The following ZNF385D variants were observed in gnomAD, a reference collection of about 807,000 sequenced individuals.
ZNF385D encodes zinc finger protein 659.
In ZNF385D, 15 loss-of-function variants were observed where a neutral mutation model predicts 35.8. That is an observed-to-expected ratio of 0.42 (90% confidence interval 0.28 to 0.64). The LOEUF (loss-of-function observed/expected upper bound fraction) is 0.64, where lower values mean the gene tolerates loss of function less well. ZNF385D is among the 30% of genes least tolerant of loss of function. The pLI is 0.23. For missense variants in ZNF385D, 474 were observed against 494.6 expected (o/e 0.96, Z 0.39); for synonymous variants, 212 against 186.8 (o/e 1.13, Z -1.10).
chr3:21,828,587 C>T (rs1694800473), intron 3 of ZNF385D, among the ~76,000 whole-genome samples: 1 of 152,202 alleles, frequency 6.6e-6, no homozygotes, highest in Non-Finnish European at 1.5e-5. Context: ...TATTTATTGG[C>T]TACCTACTGT....
intron 1 of ZNF385D, among the ~76,000 whole-genome samples, chr3:21,701,995 T>C (rs1158235437): frequency 1.3e-5 from 2 of 152,246 alleles, no homozygotes; most frequent in East Asian, 3.9e-4. Context: ...TCCAGGTGCA[T>C]GGTGCAAGCG....
intron 3 of ZNF385D, among the ~76,000 whole-genome samples, chr3:21,832,637 C>T (rs1047499318): frequency 3.9e-5 from 6 of 152,162 alleles, no homozygotes; most frequent in Non-Finnish European, 5.9e-5. Context: ...TTCAACTTCA[C>T]ATTCTTGGAT....
intron 1 of ZNF385D, among the ~76,000 whole-genome samples, chr3:21,666,778 T>TA (rs921630900): frequency 2.0e-4 from 31 of 152,244 alleles, no homozygotes; most frequent in Middle Eastern, 3.4e-3. Flanking sequence ...GGTACATCTT[T>TA]AAAAAACTCA....
chr3:22,022,845 G>A (rs978792335), intron 3 of ZNF385D, among the ~76,000 whole-genome samples: 1 of 152,070 alleles, frequency 6.6e-6, no homozygotes, highest in Non-Finnish European at 1.5e-5. Flanking sequence ...AAGGCAAAAC[G>A]AATATTTTTA....
chr3:22,006,405 T>C (rs1466677482), intron 3 of ZNF385D, among the ~76,000 whole-genome samples: 15 of 152,146 alleles, frequency 9.9e-5, no homozygotes, highest in Admixed American at 9.2e-4. Context: ...CATGACACAC[T>C]ATTTCAAATT....
intron 3 of ZNF385D, among the ~76,000 whole-genome samples, chr3:22,103,639 T>C (rs1576325380): frequency 6.6e-6 from 1 of 150,782 alleles, no homozygotes; most frequent in East Asian, 1.9e-4. Flanking sequence ...CTGAGTCCTA[T>C]TTTGCAACTC....
chr3:22,026,084 G>T (rs1576176674), intron 3 of ZNF385D, among the ~76,000 whole-genome samples: 1 of 152,120 alleles, frequency 6.6e-6, no homozygotes. Flanking sequence ...TCATAGTGTT[G>T]CTAGAGGTTG....
intron 3 of ZNF385D, among the ~76,000 whole-genome samples, chr3:22,042,494 C>T (rs7611229): frequency 7.2e-5 from 11 of 152,020 alleles, no homozygotes; most frequent in African/African-American, 1.7e-4. Flanking sequence ...CTTAAGGTAT[C>T]GTTCTGCAGT....
At chr3:21,870,648 C>A (rs916797055) in intron 3 of ZNF385D, among the ~76,000 whole-genome samples, 1 of 152,058 alleles carries the variant, frequency 6.6e-6, no homozygotes. Context: ...ATTCAAATGG[C>A]CAACTGTTAT....
At chr3:21,706,863 A>G (rs891192055) in intron 1 of ZNF385D, among the ~76,000 whole-genome samples, 19 of 151,638 alleles carry the variant, frequency 1.3e-4, no homozygotes, top group Non-Finnish European at 2.2e-4. Context: ...TAAATAGATT[A>G]GACAGATAAA....
chr3:21,574,659 A>G (rs917964673), intron 2 of ZNF385D, among the ~76,000 whole-genome samples: 1 of 152,142 alleles, frequency 6.6e-6, no homozygotes, highest in African/African-American at 2.4e-5. Flanking sequence ...GTGCTTCAAA[A>G]TCTTTGAGAG....
rs954881380 is a variant in ZNF385D at position 22,179,590 on chromosome 3, C to A, written c.107-10555G>T. On this transcript the variant is annotated intron_variant, in intron 2 of 5. Transcript: ENST00000494108. ...GAATACCCTTTATTTCCTTCTCCTGCCTGATTGCCCTGGCCAGAACTTCGA... is the reference window on the plus strand; with the variant it reads ...GAATACCCTTTATTTCCTTCTCCTGACTGATTGCCCTGGCCAGAACTTCGA... 1.2e-4 allele frequency among the ~76,000 whole-genome samples: 19 copies of A among 152,152 alleles called. 1 individual carries two copies. Among genetic ancestry groups the A allele is most frequent in the Admixed American group, 1.1e-3 (17 of 15,284 alleles).
intron 3 of ZNF385D, among the ~76,000 whole-genome samples, chr3:21,973,320 A>G (rs1703385613): frequency 6.6e-6 from 1 of 152,040 alleles, no homozygotes; most frequent in Non-Finnish European, 1.5e-5. Flanking sequence ...CAACAACCAT[A>G]TGATAATTTC....
chr3:21,817,824 G>C (rs1006201986), intron 3 of ZNF385D, among the ~76,000 whole-genome samples: 5 of 152,288 alleles, frequency 3.3e-5, no homozygotes, highest in Admixed American at 1.3e-4. Flanking sequence ...CCATTACTGG[G>C]TATATATCCA....
intron 3 of ZNF385D, among the ~76,000 whole-genome samples, chr3:21,816,003 C>T (rs1208767447): frequency 6.6e-6 from 1 of 152,140 alleles, no homozygotes; most frequent in Admixed American, 6.6e-5. Context: ...GGGCTTCATC[C>T]CAGGGATGCA....
chr3:21,982,594 G>C (rs1226456592), intron 3 of ZNF385D, among the ~76,000 whole-genome samples: 1 of 152,108 alleles, frequency 6.6e-6, no homozygotes, highest in African/African-American at 2.4e-5. Flanking sequence ...TTGCCTGTTT[G>C]CTCTGGTTAG....
intron 3 of ZNF385D, among the ~76,000 whole-genome samples, chr3:21,549,745 T>G (rs1385090666): frequency 6.6e-6 from 1 of 152,186 alleles, no homozygotes; most frequent in African/African-American, 2.4e-5. Flanking sequence ...GCCATGGTGC[T>G]CAGGCCAAAG....
intron 3 of ZNF385D, chr3:21,942,575 G>A (rs1236791066): frequency 6.6e-6 from 1 of 152,200 alleles, no homozygotes; most frequent in Non-Finnish European, 1.5e-5. Flanking sequence ...GAGCTTTCAT[G>A]CATATATGGG....
intron 1 of ZNF385D, among the ~76,000 whole-genome samples, chr3:21,714,782 C>T (rs994702159): frequency 1.3e-5 from 2 of 152,164 alleles, no homozygotes; most frequent in African/African-American, 4.8e-5. Context: ...TCTATAATTT[C>T]TGTCTCTAAA....
Sources: gnomAD v4.1 joint callset for allele counts (sites outside exome capture counted in the v4.1 genomes callset) on GRCh38, gnomAD v4.1.1 for gene constraint, MANE v1.5 for transcripts, NCBI Gene and HGNC (gene_info 2026-07-23, HGNC 2026-07-21) for gene names.